Variants in ACOT11 observed in about 807,000 individuals in gnomAD.
The protein encoded by ACOT11 is acyl-coenzyme A thioesterase 11.
Under a neutral mutation model 77.5 loss-of-function variants are expected in ACOT11, and 69 were observed. The observed-to-expected ratio is 0.89, with a 90% CI of 0.73 to 1.09. ACOT11 has a LOEUF of 1.09. ACOT11 is among the 50% of genes least tolerant of loss of function. The pLI is 0.00. For synonymous variants in ACOT11, 279 were observed against 313.0 expected (o/e 0.89, Z 1.15); for missense variants, 766 against 813.7 (o/e 0.94, Z 0.71).
At chr1:54,599,599 T>A (rs373212433) in intron 8 of ACOT11, 184 bp downstream of exon 8, 2 of 623,722 alleles carry the variant, frequency 3.2e-6, no homozygotes, top group African/African-American at 3.8e-5. Flanking sequence ...GAGCCTTCCC[T>A]GGCTCCCAGT....
Position 54,584,613 on chromosome 1 carries a change from A to G in ACOT11, c.34-42A>G. 6.3e-7 allele frequency: 1 copy of G among 1,584,144 alleles called. No individual in the cohort carries two copies. The highest frequency in any genetic ancestry group is 8.6e-7 in the Non-Finnish European group (1 of 1,160,064). Reference sequence around the variant, plus strand: ...GACAGACCTGGGAGACCCTGCAGCAAGCAGACCTCTCTGTCCCCACCTGTC... The same window carrying G: ...GACAGACCTGGGAGACCCTGCAGCAGGCAGACCTCTCTGTCCCCACCTGTC... On this transcript the variant is annotated intron_variant, in intron 1 of 15. Transcript: ENST00000343744. This position sits in a 1 kb window ranked among gnomAD's most constrained non-coding sequence, Gnocchi z 6.3.
At chr1:54,602,796 C>T (rs907025780) in intron 10 of ACOT11, 72 bp downstream of exon 10, 2 of 1,407,028 alleles carry the variant, frequency 1.4e-6, no homozygotes, top group East Asian at 2.7e-5. Context: ...CCAGGGCACT[C>T]GCTTTTCTTC....
At chr1:54,634,733 C>A in exon 17 of ACOT11, 2 of 702,536 alleles carry the variant, frequency 2.8e-6, no homozygotes, top group Non-Finnish European at 2.6e-6. Context: ...CACCTGAAAC[C>A]TTATCATGAG....
chr1:54,606,110 G>A (rs1474603121), intron 13 of ACOT11, among the ~76,000 whole-genome samples: 2 of 152,180 alleles, frequency 1.3e-5, no homozygotes, highest in Non-Finnish European at 2.9e-5. Flanking sequence ...CCTGCTGAAG[G>A]TGTCTTTGCA....
intron 15 of ACOT11, among the ~76,000 whole-genome samples, chr1:54,625,980 G>A (rs1283733005): frequency 1.3e-5 from 2 of 149,296 alleles, no homozygotes; most frequent in African/African-American, 4.9e-5. Flanking sequence ...GAAAAGAAAA[G>A]GCCAGCATGG....
chr1:54,568,428 G>A (rs1280431571), intron 1 of ACOT11, among the ~76,000 whole-genome samples: 1 of 137,454 alleles, frequency 7.3e-6, no homozygotes, highest in Non-Finnish European at 1.5e-5. Flanking sequence ...ACAATGGTGC[G>A]ACCTCGGCTC....
intron 1 of ACOT11, among the ~76,000 whole-genome samples, chr1:54,577,071 T>A (rs1654141607): frequency 6.6e-6 from 1 of 152,238 alleles, no homozygotes; most frequent in Non-Finnish European, 1.5e-5. Context: ...CTTATTTAAT[T>A]TAAATTAGCA....
At position 54,602,714 on chromosome 1, in the gene ACOT11, C is replaced by T. The variant is rs762294773; in HGVS notation, c.1075C>T (p.Arg359Cys). ...YREASARKKI[R>C]LDRKYIVSCK... ...AGAGGCCAGTGCCAGAAAGAAGATC[C>T]GCCTGGACAGGTGAGTAGGGGCTGA... Residue 359 changes from arginine to cysteine, a missense_variant, in exon 10 of 16, where the codon CGC becomes TGC. Transcript: ENST00000343744. 30 of 1,552,670 alleles carry T rather than the reference C, an allele frequency of 1.9e-5. No individual in the cohort carries two copies. Among genetic ancestry groups the T allele is most frequent in the Non-Finnish European group, 2.4e-5 (28 of 1,150,302 alleles).
intron 15 of ACOT11, chr1:54,620,149 G>A: frequency 1.1e-6 from 1 of 876,680 alleles, no homozygotes; most frequent in Admixed American, 2.7e-5. Context: ...CAGACTCACT[G>A]GTGCTACAAT....
Position 54,594,001 on chromosome 1 carries a change from G to T in ACOT11, c.433G>T (p.Ala145Ser), listed in dbSNP as rs1361367837. The T allele has an allele frequency of 1.9e-6, 3 of 1,614,140 alleles. No homozygotes were observed. Among genetic ancestry groups the T allele is most frequent in the Non-Finnish European group, 1.7e-6 (2 of 1,179,988 alleles). Residue 145 changes from alanine to serine, a missense_variant, in exon 5 of 16, where the codon GCC becomes TCC. Coordinates refer to ENST00000343744, the MANE Select transcript of ACOT11 (RefSeq NM_147161.4). ...CSEKQWNVCK[A>S]LATFVARREI... ...TGAGAAGCAGTGGAATGTGTGCAAG[G>T]CCTTGGCCACCTTCGTGGCCCGCCG... is the stretch of plus-strand genomic sequence containing the variant.
chr1:54,583,299 G>A (rs938083538), intron 1 of ACOT11, among the ~76,000 whole-genome samples: 1 of 152,140 alleles, frequency 6.6e-6, no homozygotes, highest in African/African-American at 2.4e-5. Flanking sequence ...GGTCAGACAG[G>A]CCTGGTTCAA....
chr1:54,569,830 A>T (rs1264586446), intron 1 of ACOT11, among the ~76,000 whole-genome samples: 1 of 152,160 alleles, frequency 6.6e-6, no homozygotes, highest in African/African-American at 2.4e-5. Context: ...TTTCATTTTC[A>T]TCTGCTTGGT....
chr1:54,612,656 C>G (rs779040447), downstream of ACOT11: 7 of 1,613,884 alleles, frequency 4.3e-6, no homozygotes, highest in Non-Finnish European at 2.5e-6. Flanking sequence ...AGAAGGTGGT[C>G]CAGCCTGGAG....
chr1:54,611,504 CCCCTTCTGATAT>C (rs1644117839), downstream of ACOT11: 1 of 1,258,216 alleles, frequency 7.9e-7, no homozygotes, highest in Non-Finnish European at 1.1e-6. Context: ...CCCGGCCTTC[CCCCTTCTGATAT>C]CCCTTCCACC....
intron 8 of ACOT11, 70 bp from the exon 9 acceptor site, chr1:54,601,199 G>A: frequency 6.4e-7 from 1 of 1,553,808 alleles, no homozygotes; most frequent in African/African-American, 1.3e-5. Flanking sequence ...GTGTGAGTGT[G>A]TGTGTTGGGG....
At chr1:54,617,452 A>T (rs1315168747) in intron 15 of ACOT11, among the ~76,000 whole-genome samples, 1 of 138,170 alleles carries the variant, frequency 7.2e-6, no homozygotes, top group Non-Finnish European at 1.5e-5. Flanking sequence ...TGATCATGTC[A>T]CTTTCTGTTA....
intron 1 of ACOT11, chr1:54,582,655 C>A: frequency 5.1e-6 from 2 of 388,650 alleles, no homozygotes; most frequent in Non-Finnish European, 7.0e-6. Flanking sequence ...CAGGACTGTG[C>A]CCGTGTTCCC....
chr1:54,579,364 A>C (rs888689080), intron 1 of ACOT11, among the ~76,000 whole-genome samples: 3 of 152,130 alleles, frequency 2.0e-5, no homozygotes, highest in Non-Finnish European at 4.4e-5. Flanking sequence ...TTCCTAGTGC[A>C]CGTGCATCCT....
At chr1:54,623,569 TC>T (rs1644252288) in intron 15 of ACOT11, 4 of 556,506 alleles carry the variant, frequency 7.2e-6, no homozygotes, top group Non-Finnish European at 9.3e-6. Flanking sequence ...CTGAAGCCCC[TC>T]CTCCCTCCCC....
Sources: gnomAD v4.1 joint callset for allele counts (sites outside exome capture counted in the v4.1 genomes callset) on GRCh38, gnomAD v4.1.1 for gene constraint, Gnocchi (gnomAD v3.1) non-coding constraint, MANE v1.5 for transcripts, NCBI Gene and HGNC (gene_info 2026-07-23, HGNC 2026-07-21) for gene names.